TRIO: variants seen among roughly 807,000 people sequenced by gnomAD.
The protein encoded by TRIO is triple functional domain protein.
Under a neutral mutation model 351.9 loss-of-function variants are expected in TRIO, and 58 were observed. The ratio of observed to expected loss-of-function variants is 0.16; its 90% CI spans 0.13 to 0.21. The LOEUF (loss-of-function observed/expected upper bound fraction) is 0.21. Among genes scored for constraint, TRIO ranks in the 10% least tolerant of loss-of-function variants. The probability of loss-of-function intolerance (pLI) is 1.00; values close to 1 mark genes in which losing one functional copy is unlikely to be tolerated. For missense variants in TRIO, 3,201 were observed against 4,027.8 expected, an observed-to-expected ratio of 0.79 and a Z score of 5.56; for synonymous variants, 1,758 against 1,595.7, an observed-to-expected ratio of 1.10 and a Z score of -2.42.
chr5:14,376,767 T>G (rs1429543884), intron 19 of TRIO, among the ~76,000 whole-genome samples: 2 of 152,240 alleles, frequency 1.3e-5, no homozygotes, highest in Admixed American at 1.3e-4. Flanking sequence ...GAAAGTTAAA[T>G]TCCCAGTTCA....
chr5:14,158,238 A>C (rs953873497), intron 1 of TRIO, among the ~76,000 whole-genome samples: 13 of 152,116 alleles, frequency 8.5e-5, no homozygotes, highest in African/African-American at 2.9e-4. Flanking sequence ...CATCCTGGCC[A>C]ACGTGGTGAA....
chr5:14,283,862 G>A (rs971566377), intron 3 of TRIO, among the ~76,000 whole-genome samples: 1 of 151,144 alleles, frequency 6.6e-6, no homozygotes, highest in African/African-American at 2.4e-5. Context: ...GAAATAAGAA[G>A]CAGCAGCAGT....
intron 1 of TRIO, among the ~76,000 whole-genome samples, chr5:14,166,448 G>A (rs1016219888): frequency 2.0e-5 from 3 of 152,056 alleles, no homozygotes; most frequent in Non-Finnish European, 4.4e-5. Context: ...TCTTAATTTC[G>A]GGGTAATTTA....
intron 1 of TRIO, among the ~76,000 whole-genome samples, chr5:14,160,425 T>C: frequency 6.6e-6 from 1 of 152,230 alleles, no homozygotes. Context: ...TTAATATACA[T>C]GACACTGTGT....
intron 11 of TRIO, among the ~76,000 whole-genome samples, chr5:14,350,362 T>C (rs1742946951): frequency 6.6e-6 from 1 of 152,132 alleles, no homozygotes; most frequent in Non-Finnish European, 1.5e-5. Context: ...CAACTTTTGT[T>C]GAAGAGAGTG....
chr5:14,423,587 C>A (rs116137105), intron 34 of TRIO, among the ~76,000 whole-genome samples: 1 of 152,120 alleles, frequency 6.6e-6, no homozygotes. Context: ...AACCAAGAGT[C>A]GCCCTACACA....
intron 1 of TRIO, among the ~76,000 whole-genome samples, chr5:14,232,994 A>C (rs1287230173): frequency 1.3e-5 from 2 of 152,172 alleles, no homozygotes; most frequent in African/African-American, 4.8e-5. Flanking sequence ...GCAGTTGATC[A>C]AAGCATGGTT....
At chr5:14,491,241 A>G (rs1312018321) in intron 48 of TRIO, among the ~76,000 whole-genome samples, 1 of 152,204 alleles carries the variant, frequency 6.6e-6, no homozygotes, top group African/African-American at 2.4e-5. Flanking sequence ...CACCTGCTCC[A>G]GCGTGTACTG....
chr5:14,168,957 G>C (rs2152123973), intron 1 of TRIO, among the ~76,000 whole-genome samples: 1 of 152,330 alleles, frequency 6.6e-6, no homozygotes, highest in Non-Finnish European at 1.5e-5. Context: ...TGTGAAACAG[G>C]GAGGCCTTGC....
At chr5:14,460,887 C>T in intron 34 of TRIO, 132 bp from the exon 35 acceptor site, 3 of 1,062,094 alleles carry the variant, frequency 2.8e-6, no homozygotes, top group Non-Finnish European at 2.7e-6. Flanking sequence ...TCATCTCACA[C>T]CCCGTAGGCA....
intron 2 of TRIO, among the ~76,000 whole-genome samples, chr5:14,272,088 A>C (rs539724850): frequency 6.6e-6 from 1 of 152,356 alleles, no homozygotes; most frequent in Admixed American, 6.5e-5. Context: ...TGAGTTTTAA[A>C]AGTAGCATTT....
intron 11 of TRIO, 139 bp from the exon 12 acceptor site, chr5:14,358,039 C>CCCT (rs1743793649): frequency 4.9e-6 from 5 of 1,027,140 alleles, no homozygotes; most frequent in Non-Finnish European, 6.9e-6. Context: ...TTCCTTCCTT[C>CCCT]CCTCCGGGAG....
At chr5:14,302,264 T>C (rs1737967868) in intron 7 of TRIO, among the ~76,000 whole-genome samples, 1 of 152,234 alleles carries the variant, frequency 6.6e-6, no homozygotes, top group Non-Finnish European at 1.5e-5. Context: ...GTTTCCACCA[T>C]GTTCTGTCAG....
At chr5:14,188,935 C>T (rs547752747) in intron 1 of TRIO, among the ~76,000 whole-genome samples, 125 of 152,270 alleles carry the variant, frequency 8.2e-4, no homozygotes, top group African/African-American at 2.9e-3. Flanking sequence ...TGCACATTAA[C>T]TATGTTTTTA....
intron 7 of TRIO, among the ~76,000 whole-genome samples, chr5:14,302,231 G>GTA (rs1737964972): frequency 6.6e-6 from 1 of 152,120 alleles, no homozygotes; most frequent in Admixed American, 6.5e-5. Flanking sequence ...ATTACATTAT[G>GTA]AAGTATTATA....
At chr5:14,393,484 G>A (rs1747292632) in intron 27 of TRIO, among the ~76,000 whole-genome samples, 1 of 152,150 alleles carries the variant, frequency 6.6e-6, no homozygotes, top group African/African-American at 2.4e-5. Context: ...TTGTACAGTT[G>A]GTTTATTTTT....
At chr5:14,273,100 C>G (rs1009504828) in intron 2 of TRIO, among the ~76,000 whole-genome samples, 6 of 152,168 alleles carry the variant, frequency 3.9e-5, no homozygotes, top group African/African-American at 1.4e-4. Flanking sequence ...CCCAAGCCCC[C>G]AGCACTGGCA....
At chr5:14,168,932 G>A (rs1188230080) in intron 1 of TRIO, among the ~76,000 whole-genome samples, 1 of 152,248 alleles carries the variant, frequency 6.6e-6, no homozygotes, top group East Asian at 1.9e-4. Flanking sequence ...TTTGTCCACG[G>A]GTTGGGAAGA....
At chr5:14,385,216 C>T (rs1024122572) in intron 21 of TRIO, among the ~76,000 whole-genome samples, 1 of 152,214 alleles carries the variant, frequency 6.6e-6, no homozygotes, top group Admixed American at 6.5e-5. Flanking sequence ...TCCTGTCTGC[C>T]CCAGCAGTTC....
Sources: allele counts gnomAD v4.1 joint callset (sites outside exome capture counted in the v4.1 genomes callset), GRCh38; gene constraint gnomAD v4.1.1; transcripts MANE v1.5; gene names NCBI Gene and HGNC (gene_info 2026-07-23, HGNC 2026-07-21).